RHOJ: variants seen among roughly 807,000 people sequenced by gnomAD.
The protein encoded by RHOJ is ras homolog family member J.
A neutral mutation model predicts 23.4 loss-of-function variants in RHOJ; 11 were observed. The ratio of observed to expected loss-of-function variants is 0.47; its 90% CI spans 0.30 to 0.78. The LOEUF is 0.78. Ranked by LOEUF, RHOJ falls within the 30% of genes least tolerant of loss-of-function variation. The probability of loss-of-function intolerance (pLI) is 0.08; values close to 1 mark genes in which losing one functional copy is unlikely to be tolerated. For missense variants in RHOJ, 254 were observed against 273.4 expected (o/e 0.93, Z 0.50); for synonymous variants, 102 against 102.7 (o/e 0.99, Z 0.04).
chr14:63,222,007 T>A lies in RHOJ; in HGVS notation c.178+16960T>A, dbSNP rs978376630. 4.9e-5 allele frequency among the ~76,000 whole-genome samples: 6 copies of A among 121,706 alleles called. No individual in the cohort carries two copies. In the Admixed American group the frequency reaches 6.5e-4, roughly 13 times the overall value. 79.8% of individuals were successfully genotyped at this position (121,706 alleles called of 152,430 possible). A position where few individuals can be genotyped will look rare whatever the true frequency, so the allele number is the denominator to read the frequency against. The stretch of plus-strand genomic sequence containing the variant: ...CCCAAAAACAGGCCCCGGTGTGTGA[T>A]GTTCGCCTTCCTGTGTCCAAGCGTT... On this transcript the variant is annotated intron_variant, in intron 1 of 4. Transcript: ENST00000316754.
In RHOJ at chr14:63,257,236, CAAAAAAAAAA is replaced by C. The variant is rs11463617; in HGVS notation, c.179-11861_179-11852del. Among the ~76,000 whole-genome samples the C allele has an allele frequency of 2.7e-3, 132 of 49,104 alleles. 5 individuals carry two copies. Among genetic ancestry groups the C allele is most frequent in the Non-Finnish European group, 3.8e-3 (94 of 24,784 alleles). The allele number at this position is 49,104 out of a possible 152,430, so 32.2% of individuals were successfully genotyped here. Reference sequence around the variant, plus strand: ...CTGGGTGACACAGTGAGACTGTCTCCAAAAAAAAAAAAAAAAAAAAAAGAGTCTCTTTACC... The same window carrying C: ...CTGGGTGACACAGTGAGACTGTCTCCAAAAAAAAAAAAGAGTCTCTTTACC... On this transcript the variant is annotated intron_variant, in intron 1 of 4. Coordinates refer to ENST00000316754, the MANE Select transcript of RHOJ (RefSeq NM_020663.5).
At chr14:63,266,585 T>G (rs1388251343) in intron 1 of RHOJ, among the ~76,000 whole-genome samples, 1 of 152,234 alleles carries the variant, frequency 6.6e-6, no homozygotes, top group Non-Finnish European at 1.5e-5. Flanking sequence ...TTCCATTTGT[T>G]TGTATCATCT....
chr14:63,209,597 T>C (rs1030595410), intron 1 of RHOJ, among the ~76,000 whole-genome samples: 6 of 152,238 alleles, frequency 3.9e-5, no homozygotes, highest in Non-Finnish European at 7.3e-5. Context: ...TCTTTCATTA[T>C]AATAGTTAAT....
chr14:63,231,376 G>A (rs190058813), intron 1 of RHOJ, among the ~76,000 whole-genome samples: 3 of 152,238 alleles, frequency 2.0e-5, no homozygotes, highest in African/African-American at 4.8e-5. Flanking sequence ...ACCTTGCTGG[G>A]TGATGTTAAC....
At chr14:63,217,134 T>C (rs1192306659) in intron 1 of RHOJ, among the ~76,000 whole-genome samples, 1 of 151,546 alleles carries the variant, frequency 6.6e-6, no homozygotes, top group East Asian at 1.9e-4. Context: ...ATGTGCACAT[T>C]GTGCAGGTTA....
intron 1 of RHOJ, among the ~76,000 whole-genome samples, chr14:63,258,417 G>T (rs1046484406): frequency 1.3e-5 from 2 of 150,728 alleles, no homozygotes; most frequent in East Asian, 3.9e-4. Flanking sequence ...TATAATAAGA[G>T]AGTTTAGCAA....
chr14:63,221,085 T>C (rs1442187741), intron 1 of RHOJ, among the ~76,000 whole-genome samples: 1 of 152,036 alleles, frequency 6.6e-6, no homozygotes, highest in African/African-American at 2.4e-5. Context: ...TCCCAGCACT[T>C]TGGGAGTCGA....
intron 1 of RHOJ, among the ~76,000 whole-genome samples, chr14:63,242,170 A>T (rs1023051154): frequency 1.3e-5 from 2 of 152,242 alleles, no homozygotes; most frequent in African/African-American, 4.8e-5. Context: ...TCAAAGAAAG[A>T]AAAGAATGAT....
intron 1 of RHOJ, among the ~76,000 whole-genome samples, chr14:63,213,583 T>C (rs1447288651): frequency 6.6e-6 from 1 of 152,214 alleles, no homozygotes; most frequent in Non-Finnish European, 1.5e-5. Flanking sequence ...TTGTGAATAA[T>C]ACTGCAATGA....
Position 63,283,165 on chromosome 14 carries a change from T to C in RHOJ, c.447T>C (p.Tyr149=), listed in dbSNP as rs773888659. ...CAAAAACCTTGGCCCGTTTGCTGTATATGAAAGAGAAACCTCTCACTTACG... is the reference window on the plus strand; with the variant it reads ...CAAAAACCTTGGCCCGTTTGCTGTACATGAAAGAGAAACCTCTCACTTACG... The part of the protein sequence containing the change: ...DDPKTLARLL[Y]MKEKPLTYEH... The change falls in exon 4 of 5, where the codon TAT becomes TAC. Residue 149 remains tyrosine (Y), a synonymous_variant. Coordinates refer to ENST00000316754, the MANE Select transcript of RHOJ (RefSeq NM_020663.5). The C allele has an allele frequency of 3.1e-6, 5 of 1,614,166 alleles. No homozygotes were observed. The highest frequency in any genetic ancestry group is 4.2e-6 in the Non-Finnish European group (5 of 1,180,002).
intron 1 of RHOJ, among the ~76,000 whole-genome samples, chr14:63,249,519 G>A (rs111569460): frequency 6.6e-6 from 1 of 152,190 alleles, no homozygotes; most frequent in East Asian, 1.9e-4. Flanking sequence ...GACAAGAGCT[G>A]CTGAAAGTTC....
At chr14:63,224,460 G>C (rs1247733560) in intron 1 of RHOJ, among the ~76,000 whole-genome samples, 1 of 152,094 alleles carries the variant, frequency 6.6e-6, no homozygotes, top group African/African-American at 2.4e-5. Context: ...GGGGGAGGGG[G>C]ATCGGCACAG....
At chr14:63,254,095 A>G (rs1445490485) in intron 1 of RHOJ, among the ~76,000 whole-genome samples, 2 of 152,070 alleles carry the variant, frequency 1.3e-5, no homozygotes, top group East Asian at 3.9e-4. Context: ...TGAAATTGAC[A>G]ACTGCAATGG....
Position 63,272,977 on chromosome 14 carries a change from C to G in RHOJ, c.237+3809C>G, listed in dbSNP as rs993651029. Among the ~76,000 whole-genome samples the G allele has an allele frequency of 3.3e-5, 5 of 152,152 alleles. No individual in the cohort carries two copies. In the South Asian group the frequency reaches 1.0e-3, roughly 32 times the overall value. ...GGCGGAGGTAGCAGTAAGCTGAGAT[C>G]GCACCATTGCACTCCAGCCTAGGCA... On this transcript the variant is annotated intron_variant, in intron 2 of 4. Transcript: ENST00000316754.
intron 1 of RHOJ, among the ~76,000 whole-genome samples, chr14:63,223,165 A>G (rs1894529968): frequency 6.6e-6 from 1 of 152,152 alleles, no homozygotes; most frequent in Admixed American, 6.5e-5. Context: ...CACTTTCTCC[A>G]AGTTTTATCC....
At chr14:63,237,655 T>C (rs1172616562) in intron 1 of RHOJ, among the ~76,000 whole-genome samples, 24 of 152,256 alleles carry the variant, frequency 1.6e-4, no homozygotes, top group Admixed American at 1.6e-3. Context: ...TTTCGTCTTC[T>C]GGTTTTCCAA....
At chr14:63,240,736 C>A (rs1441071071) in intron 1 of RHOJ, among the ~76,000 whole-genome samples, 3 of 152,010 alleles carry the variant, frequency 2.0e-5, no homozygotes, top group Non-Finnish European at 4.4e-5. Context: ...TACCTATTAC[C>A]CTTACAGAAC....
At chr14:63,283,373 C>A in intron 4 of RHOJ, 157 bp downstream of exon 4, 2 of 627,174 alleles carry the variant, frequency 3.2e-6, no homozygotes, top group Non-Finnish European at 5.6e-6. Context: ...TCTAGTCGGG[C>A]TGGAAGGAGC....
rs999969873 is a variant in RHOJ, at chr14:63,231,600, T to A, written c.178+26553T>A. Among the ~76,000 whole-genome samples the A allele has an allele frequency of 4.1e-4, 63 of 152,190 alleles. 1 individual carries two copies. Among genetic ancestry groups the A allele is most frequent in the Admixed American group, 3.1e-3 (47 of 15,284 alleles). ...AATATGCACAAATTAAACACTCAGC[T>A]CGGTATTGCAGTGGTGACTTGATTT... On this transcript the variant is annotated intron_variant, in intron 1 of 4. Transcript: ENST00000316754.
Sources: gnomAD v4.1 joint callset for allele counts (sites outside exome capture counted in the v4.1 genomes callset) on GRCh38, gnomAD v4.1.1 for gene constraint, MANE v1.5 for transcripts, NCBI Gene and HGNC (gene_info 2026-07-23, HGNC 2026-07-21) for gene names.